The following STXBP5L variants were observed in gnomAD, a reference collection of about 807,000 sequenced individuals.
The protein encoded by STXBP5L is syntaxin-binding protein 5-like.
STXBP5L carries 65 observed loss-of-function variants against 144.5 expected under a neutral mutation model. That is an observed-to-expected ratio of 0.45 (90% CI 0.37 to 0.55). STXBP5L has a LOEUF of 0.55. STXBP5L is among the 20% of genes least tolerant of loss of function. STXBP5L has a pLI of 0.00. For synonymous variants in STXBP5L, 505 were observed against 469.6 expected (o/e 1.08, Z -0.97); for missense variants, 1,298 against 1,405.5 (o/e 0.92, Z 1.22).
chr3:121,090,676 G>T (rs557177313), intron 5 of STXBP5L, among the ~76,000 whole-genome samples: 1 of 151,748 alleles, frequency 6.6e-6, no homozygotes, highest in Non-Finnish European at 1.5e-5. Flanking sequence ...AATCATTTTT[G>T]GTCATTTATT....
At position 121,013,143 on chromosome 3, in the gene STXBP5L, T is replaced by C. The variant is rs182072738; in HGVS notation, c.288-28557T>C. On this transcript the variant is annotated intron_variant, in intron 3 of 26. Transcript: ENST00000471454. ...TCCATGTTCTTGCTATTATGAATAG[T>C]GCTGTAATAAACATATGAGGCCAAA... is the stretch of plus-strand genomic sequence containing the variant. Among the ~76,000 whole-genome samples, 651 of 152,130 alleles carry C rather than the reference T, an allele frequency of 4.3e-3. 5 individuals are homozygous for C. The highest frequency in any genetic ancestry group is 0.015 in the African/African-American group (621 of 41,550).
At chr3:121,203,466 A>C (rs1307459447) in intron 9 of STXBP5L, among the ~76,000 whole-genome samples, 1 of 152,092 alleles carries the variant, frequency 6.6e-6, no homozygotes, top group Non-Finnish European at 1.5e-5. Context: ...AAGCCTCTGG[A>C]ATTCAGTTGT....
At chr3:121,228,673 C>A (rs1328963064) in intron 11 of STXBP5L, among the ~76,000 whole-genome samples, 1 of 152,102 alleles carries the variant, frequency 6.6e-6, no homozygotes, top group Non-Finnish European at 1.5e-5. Context: ...GTCAGGAGTT[C>A]AAGACCAGCC....
intron 18 of STXBP5L, among the ~76,000 whole-genome samples, chr3:121,262,746 G>A (rs2050424564): frequency 6.6e-6 from 1 of 152,106 alleles, no homozygotes; most frequent in African/African-American, 2.4e-5. Context: ...AAAATACAAT[G>A]GTGGGATCAG....
chr3:120,988,472 C>T (rs1033162770), intron 3 of STXBP5L, among the ~76,000 whole-genome samples: 3 of 151,972 alleles, frequency 2.0e-5, no homozygotes, highest in African/African-American at 7.2e-5. Context: ...CACTCTGCTT[C>T]ACCTCAATTG....
chr3:120,926,917 C>G (rs962863037), intron 2 of STXBP5L, among the ~76,000 whole-genome samples: 2 of 149,840 alleles, frequency 1.3e-5, no homozygotes, highest in African/African-American at 2.4e-5. Context: ...TTAAATTTCT[C>G]TGATAAATTT....
chr3:121,406,925 A>G (rs1380881265), intron 22 of STXBP5L, among the ~76,000 whole-genome samples: 1 of 151,936 alleles, frequency 6.6e-6, no homozygotes, highest in Non-Finnish European at 1.5e-5. Flanking sequence ...AATCAGAAAA[A>G]TCTGAGTTCT....
intron 10 of STXBP5L, among the ~76,000 whole-genome samples, chr3:121,207,372 A>C (rs551522358): frequency 4.6e-5 from 7 of 152,340 alleles, no homozygotes; most frequent in African/African-American, 1.7e-4. Context: ...CTAAAACCAT[A>C]AAAACCCTAG....
intron 2 of STXBP5L, among the ~76,000 whole-genome samples, chr3:120,921,035 G>GTT (rs1709335820): frequency 6.6e-6 from 1 of 151,398 alleles, no homozygotes; most frequent in East Asian, 1.9e-4. Flanking sequence ...TCTATTTTTA[G>GTT]TTTTGAGGAA....
intron 5 of STXBP5L, among the ~76,000 whole-genome samples, chr3:121,064,754 G>C (rs1267802685): frequency 6.6e-6 from 1 of 152,054 alleles, no homozygotes; most frequent in Admixed American, 6.5e-5. Context: ...TCTTATTTTA[G>C]ACAGAGAGGA....
chr3:121,343,624 A>C (rs1254392670), intron 20 of STXBP5L, among the ~76,000 whole-genome samples: 1 of 152,152 alleles, frequency 6.6e-6, no homozygotes, highest in Non-Finnish European at 1.5e-5. Context: ...AGACAGCCAA[A>C]TCATGAGTGA....
chr3:121,340,700 T>G (rs1242943523), intron 20 of STXBP5L, among the ~76,000 whole-genome samples: 2 of 152,056 alleles, frequency 1.3e-5, no homozygotes, highest in Non-Finnish European at 2.9e-5. Flanking sequence ...ATGGTGTATA[T>G]GAAGGCACAG....
chr3:121,036,051 G>A (rs1281672751), intron 3 of STXBP5L, among the ~76,000 whole-genome samples: 1 of 151,928 alleles, frequency 6.6e-6, no homozygotes, highest in Non-Finnish European at 1.5e-5. Context: ...AAAAATTTGG[G>A]GGCTGGGCAT....
At chr3:121,013,987 A>T (rs911853701) in intron 3 of STXBP5L, among the ~76,000 whole-genome samples, 3 of 151,890 alleles carry the variant, frequency 2.0e-5, no homozygotes, top group African/African-American at 7.3e-5. Flanking sequence ...CTTCTGTTCC[A>T]TTGGTCTGTA....
chr3:121,055,166 T>A (rs1247376751), intron 5 of STXBP5L, among the ~76,000 whole-genome samples: 5 of 152,186 alleles, frequency 3.3e-5, no homozygotes, highest in Non-Finnish European at 7.3e-5. Context: ...GAAAGATACA[T>A]ACATATTGTC....
chr3:121,146,941 G>A (rs914801740), intron 7 of STXBP5L, among the ~76,000 whole-genome samples: 6 of 151,858 alleles, frequency 4.0e-5, no homozygotes, highest in African/African-American at 1.4e-4. Context: ...TAATTTGATA[G>A]AACTAAAAAT....
intron 5 of STXBP5L, among the ~76,000 whole-genome samples, chr3:121,046,400 T>G (rs1947519129): frequency 6.6e-6 from 1 of 152,202 alleles, no homozygotes; most frequent in Non-Finnish European, 1.5e-5. Context: ...GAGTTCCTCC[T>G]CCTCAATTTT....
intron 11 of STXBP5L, among the ~76,000 whole-genome samples, chr3:121,232,432 A>T (rs2049339416): frequency 6.6e-6 from 1 of 152,272 alleles, no homozygotes; most frequent in East Asian, 1.9e-4. Context: ...GTGTTCCAAA[A>T]TTCAAAACTT....
At chr3:121,031,245 G>A (rs1026124080) in intron 3 of STXBP5L, among the ~76,000 whole-genome samples, 1 of 151,988 alleles carries the variant, frequency 6.6e-6, no homozygotes, top group Admixed American at 6.6e-5. Context: ...GATGCATTGT[G>A]GAAAATAGGT....
Sources: allele counts gnomAD v4.1 joint callset (sites outside exome capture counted in the v4.1 genomes callset), GRCh38; gene constraint gnomAD v4.1.1; transcripts MANE v1.5; gene names NCBI Gene and HGNC (gene_info 2026-07-23, HGNC 2026-07-21).